The following BICC1 variants were observed in gnomAD, a reference collection of about 807,000 sequenced individuals.
BICC1 encodes the protein protein bicaudal C homolog 1.
A neutral mutation model predicts 111.0 loss-of-function variants in BICC1; 43 were observed. The ratio of observed to expected loss-of-function variants is 0.39; its 90% CI spans 0.30 to 0.50. The LOEUF (loss-of-function observed/expected upper bound fraction) is 0.50, where lower values mean the gene tolerates loss of function less well. Among genes scored for constraint, BICC1 ranks in the 20% least tolerant of loss-of-function variants. The pLI, the probability that BICC1 is intolerant of heterozygous loss-of-function variation, is 0.88. For synonymous variants in BICC1, 467 were observed against 434.4 expected (o/e 1.07, Z -0.93); for missense variants, 1,091 against 1,203.2 (o/e 0.91, Z 1.38).
At chr10:58,642,256 C>G (rs899099470) in intron 2 of BICC1, among the ~76,000 whole-genome samples, 2 of 152,194 alleles carry the variant, frequency 1.3e-5, no homozygotes. Context: ...TGAACAGCAG[C>G]TACTCATGGT....
intron 9 of BICC1, among the ~76,000 whole-genome samples, chr10:58,794,414 A>G (rs1354027101): frequency 1.3e-5 from 2 of 149,694 alleles, no homozygotes; most frequent in African/African-American, 5.1e-5. Flanking sequence ...ATTTAATGGA[A>G]TAAATGTTTT....
intron 1 of BICC1, among the ~76,000 whole-genome samples, chr10:58,566,405 G>C (rs1317376383): frequency 6.6e-6 from 1 of 151,998 alleles, no homozygotes; most frequent in Non-Finnish European, 1.5e-5. Flanking sequence ...GTCATTGATT[G>C]ATGGGCATTT....
intron 2 of BICC1, among the ~76,000 whole-genome samples, chr10:58,623,029 A>G (rs1349524014): frequency 6.6e-6 from 1 of 152,170 alleles, no homozygotes; most frequent in Admixed American, 6.6e-5. Flanking sequence ...AACTTCAGCT[A>G]CTCAACTTTT....
intron 1 of BICC1, among the ~76,000 whole-genome samples, chr10:58,520,086 G>C (rs1266423460): frequency 6.6e-6 from 1 of 152,086 alleles, no homozygotes; most frequent in African/African-American, 2.4e-5. Flanking sequence ...GAGACAGTTT[G>C]ATAGAATTAT....
At chr10:58,777,868 G>T (rs896899842) in intron 3 of BICC1, among the ~76,000 whole-genome samples, 3 of 152,066 alleles carry the variant, frequency 2.0e-5, no homozygotes, top group African/African-American at 7.2e-5. Context: ...TGCACTGCTT[G>T]CTGTCTGTTC....
intron 8 of BICC1, among the ~76,000 whole-genome samples, chr10:58,792,118 C>G (rs1458302969): frequency 6.6e-6 from 1 of 152,228 alleles, no homozygotes; most frequent in Non-Finnish European, 1.5e-5. Context: ...TCCTAGTGTG[C>G]TTAATGGTAA....
chr10:58,529,219 A>G (rs1269372105), intron 1 of BICC1, among the ~76,000 whole-genome samples: 1 of 151,918 alleles, frequency 6.6e-6, no homozygotes, highest in Non-Finnish European at 1.5e-5. Flanking sequence ...TTCCTCTGCT[A>G]ACATGTCCAG....
chr10:58,514,443 A>G (rs2132487612), intron 1 of BICC1, among the ~76,000 whole-genome samples: 1 of 152,342 alleles, frequency 6.6e-6, no homozygotes, highest in African/African-American at 2.4e-5. Context: ...AATGCATCGC[A>G]GTATGGGAAT....
intron 1 of BICC1, among the ~76,000 whole-genome samples, chr10:58,586,843 A>G (rs1369962825): frequency 6.6e-6 from 1 of 152,112 alleles, no homozygotes; most frequent in Admixed American, 6.5e-5. Flanking sequence ...GTGTAAATCA[A>G]TGAGCTCATT....
At chr10:58,648,135 C>T (rs2393460) in intron 2 of BICC1, among the ~76,000 whole-genome samples, 148,656 of 152,342 alleles carry the variant, frequency 0.98, 72,635 homozygotes, top group East Asian at 1. Context: ...GCTTTTCTAG[C>T]AGGCCATTAG....
intron 1 of BICC1, among the ~76,000 whole-genome samples, chr10:58,530,723 G>T (rs151094866): frequency 1.3e-5 from 2 of 149,738 alleles, no homozygotes; most frequent in Non-Finnish European, 3.0e-5. Flanking sequence ...AGGGAGAGGC[G>T]GAAATGGACG....
At chr10:58,788,562 G>A in intron 6 of BICC1, 139 bp downstream of exon 6, 2 of 568,736 alleles carry the variant, frequency 3.5e-6, no homozygotes, top group Non-Finnish European at 6.2e-6. Context: ...TTATTTTAGT[G>A]TCTATCTTAG....
intron 1 of BICC1, among the ~76,000 whole-genome samples, chr10:58,536,282 T>C (rs1445562375): frequency 6.6e-6 from 1 of 151,762 alleles, no homozygotes; most frequent in Non-Finnish European, 1.5e-5. Context: ...TACATTCTTC[T>C]TATCAGCACA....
intron 3 of BICC1, among the ~76,000 whole-genome samples, chr10:58,724,139 G>A (rs1841024921): frequency 6.6e-6 from 1 of 152,162 alleles, no homozygotes. Flanking sequence ...AGCCAGTTTT[G>A]AAATGTTACA....
chr10:58,550,511 C>T (rs1046192000), intron 1 of BICC1, among the ~76,000 whole-genome samples: 111 of 152,174 alleles, frequency 7.3e-4, no homozygotes, highest in African/African-American at 2.5e-3. Context: ...CATCACTAAA[C>T]CCAAGGTCAT....
intron 1 of BICC1, among the ~76,000 whole-genome samples, chr10:58,576,743 A>C (rs1305444511): frequency 6.6e-6 from 1 of 152,198 alleles, no homozygotes; most frequent in East Asian, 1.9e-4. Flanking sequence ...ACCGCACTCA[A>C]ATGTAAGTTC....
At chr10:58,687,742 G>A (rs1839783296) in intron 2 of BICC1, among the ~76,000 whole-genome samples, 1 of 152,158 alleles carries the variant, frequency 6.6e-6, no homozygotes, top group African/African-American at 2.4e-5. Context: ...GGGTGGGAGT[G>A]TCCTGATTTT....
intron 2 of BICC1, among the ~76,000 whole-genome samples, chr10:58,639,485 C>T (rs1838053929): frequency 6.7e-6 from 1 of 150,164 alleles, no homozygotes; most frequent in Non-Finnish European, 1.5e-5. Flanking sequence ...ACCTCTGCCT[C>T]CTGGGTTCAA....
chr10:58,732,934 A>G (rs1335890917), intron 3 of BICC1, among the ~76,000 whole-genome samples: 1 of 152,216 alleles, frequency 6.6e-6, no homozygotes, highest in African/African-American at 2.4e-5. Context: ...AAAACATGAC[A>G]CAGAAACACA....
Sources: allele counts gnomAD v4.1 joint callset (sites outside exome capture counted in the v4.1 genomes callset), GRCh38; gene constraint gnomAD v4.1.1; transcripts MANE v1.5; gene names NCBI Gene and HGNC (gene_info 2026-07-23, HGNC 2026-07-21).